The following NCALD variants were observed in gnomAD, a reference collection of about 807,000 sequenced individuals.
NCALD encodes neurocalcin delta, also known as neurocalcin-delta.
NCALD carries 10 observed loss-of-function variants against 18.6 expected under a neutral mutation model. The ratio of observed to expected loss-of-function variants is 0.54; its 90% CI spans 0.33 to 0.91. The LOEUF (loss-of-function observed/expected upper bound fraction) is 0.91, where lower values mean the gene tolerates loss of function less well. NCALD is among the 40% of genes least tolerant of loss of function. The probability of loss-of-function intolerance (pLI) is 0.03; values close to 1 mark genes in which losing one functional copy is unlikely to be tolerated. For missense variants in NCALD, 184 were observed against 247.6 expected (o/e 0.74, Z 1.72); for synonymous variants, 88 against 87.4 (o/e 1.01, Z -0.04).
chr8:102,055,992 T>G (rs966561899), intron 1 of NCALD, among the ~76,000 whole-genome samples: 7 of 152,178 alleles, frequency 4.6e-5, no homozygotes, highest in Non-Finnish European at 1.0e-4. Context: ...TTAGTGATCT[T>G]TTAGAGTGTC....
chr8:101,990,817 G>A (rs116704733), intron 2 of NCALD, among the ~76,000 whole-genome samples: 1,587 of 152,122 alleles, frequency 0.01, 31 homozygotes, highest in African/African-American at 0.035. Flanking sequence ...ACAGCATTAG[G>A]GCAAGCAATA....
At chr8:101,749,578 G>C (rs1196852441) in intron 1 of NCALD, among the ~76,000 whole-genome samples, 1 of 152,090 alleles carries the variant, frequency 6.6e-6, no homozygotes, top group Non-Finnish European at 1.5e-5. Flanking sequence ...CTGCAAAATA[G>C]GGATAATAAT....
intron 4 of NCALD, among the ~76,000 whole-genome samples, chr8:101,864,899 T>C (rs113799462): frequency 8.5e-5 from 13 of 152,280 alleles, no homozygotes; most frequent in African/African-American, 2.6e-4. Flanking sequence ...CCCAGCTGGA[T>C]TGTTCCAATT....
intron 1 of NCALD, among the ~76,000 whole-genome samples, chr8:102,057,347 T>C (rs929888954): frequency 6.6e-6 from 1 of 152,078 alleles, no homozygotes; most frequent in Non-Finnish European, 1.5e-5. Context: ...TCTTTCTTAA[T>C]TAGTTATAAA....
chr8:101,847,862 G>A (rs1474018020), intron 4 of NCALD, among the ~76,000 whole-genome samples: 2 of 152,124 alleles, frequency 1.3e-5, no homozygotes, highest in Non-Finnish European at 2.9e-5. Flanking sequence ...GTTGAGGTAT[G>A]AGGCTGAACT....
intron 4 of NCALD, among the ~76,000 whole-genome samples, chr8:101,878,770 C>T (rs909690915): frequency 6.6e-6 from 1 of 152,150 alleles, no homozygotes; most frequent in African/African-American, 2.4e-5. Context: ...GTATGATGAT[C>T]CCACAGGTGC....
intron 1 of NCALD, among the ~76,000 whole-genome samples, chr8:101,730,641 G>T (rs1816788387): frequency 6.6e-6 from 1 of 152,116 alleles, no homozygotes; most frequent in Non-Finnish European, 1.5e-5. Context: ...ATCGAATTAG[G>T]TAACAGACAC....
At chr8:102,118,803 A>T (rs558488949) in intron 1 of NCALD, among the ~76,000 whole-genome samples, 4 of 152,322 alleles carry the variant, frequency 2.6e-5, no homozygotes, top group African/African-American at 7.2e-5. Flanking sequence ...CAAATATCCA[A>T]TGGTTCCCCA....
intron 3 of NCALD, among the ~76,000 whole-genome samples, chr8:101,892,612 T>TG (rs2131518605): frequency 6.7e-6 from 1 of 149,106 alleles, no homozygotes; most frequent in East Asian, 1.9e-4. Flanking sequence ...TTGAACACTT[T>TG]GAAAAAAATA....
chr8:101,867,447 G>T (rs1208624542), intron 4 of NCALD, among the ~76,000 whole-genome samples: 1 of 152,198 alleles, frequency 6.6e-6, no homozygotes, highest in African/African-American at 2.4e-5. Context: ...ATGACTAAAT[G>T]ATGATGAAGC....
chr8:102,111,278 C>T (rs1825630503), intron 1 of NCALD, among the ~76,000 whole-genome samples: 2 of 152,182 alleles, frequency 1.3e-5, no homozygotes, highest in South Asian at 4.1e-4. Context: ...CACTGCTTGT[C>T]CTTTGGCCTG....
chr8:101,936,930 A>G (rs909224596), intron 2 of NCALD, among the ~76,000 whole-genome samples: 2 of 152,186 alleles, frequency 1.3e-5, no homozygotes, highest in African/African-American at 4.8e-5. Context: ...AAACATAGGC[A>G]TTTAATTTTT....
intron 1 of NCALD, among the ~76,000 whole-genome samples, chr8:102,061,868 A>G (rs1194387157): frequency 6.6e-6 from 1 of 152,344 alleles, no homozygotes; most frequent in South Asian, 2.1e-4. Context: ...CTTTGTATAA[A>G]GCAAAATCAA....
intron 1 of NCALD, among the ~76,000 whole-genome samples, chr8:101,748,510 C>T (rs912624543): frequency 6.6e-6 from 1 of 152,120 alleles, no homozygotes. Context: ...GAATATGAGG[C>T]CTTTCTCCAT....
At chr8:101,929,947 C>T (rs1487887423) in intron 2 of NCALD, among the ~76,000 whole-genome samples, 3 of 151,942 alleles carry the variant, frequency 2.0e-5, no homozygotes, top group Admixed American at 2.0e-4. Context: ...CCCAACTGCT[C>T]AGGAGGCTGA....
chr8:101,824,216 A>C (rs1813838043), intron 4 of NCALD, among the ~76,000 whole-genome samples: 2 of 152,184 alleles, frequency 1.3e-5, no homozygotes, highest in South Asian at 4.1e-4. Context: ...TACTGGCAGT[A>C]TTTGTTACTA....
intron 4 of NCALD, among the ~76,000 whole-genome samples, chr8:101,864,992 G>T (rs1815709543): frequency 6.6e-6 from 1 of 152,138 alleles, no homozygotes; most frequent in African/African-American, 2.4e-5. Context: ...ATAACAGATT[G>T]GTTAGAATGA....
At chr8:102,099,722 T>C (rs963932624) in intron 1 of NCALD, among the ~76,000 whole-genome samples, 3 of 151,804 alleles carry the variant, frequency 2.0e-5, no homozygotes, top group African/African-American at 7.3e-5. Context: ...GGTGGGTGGA[T>C]TGCCTGAGGT....
chr8:101,830,608 G>C (rs1586593905), intron 4 of NCALD, among the ~76,000 whole-genome samples: 1 of 152,148 alleles, frequency 6.6e-6, no homozygotes, highest in African/African-American at 2.4e-5. Context: ...CATTGTCATT[G>C]TTCTCAATCT....
Sources: gnomAD v4.1 joint callset for allele counts (sites outside exome capture counted in the v4.1 genomes callset) on GRCh38, gnomAD v4.1.1 for gene constraint, MANE v1.5 for transcripts, NCBI Gene and HGNC (gene_info 2026-07-23, HGNC 2026-07-21) for gene names.